Variants in RPGR observed in about 807,000 individuals in gnomAD.
RPGR encodes retinitis pigmentosa GTPase regulator, also known as X-linked retinitis pigmentosa GTPase regulator.
A neutral mutation model predicts 56.3 loss-of-function variants in RPGR; 10 were observed. The ratio of observed to expected loss-of-function variants is 0.18; its 90% CI spans 0.11 to 0.30. The LOEUF (loss-of-function observed/expected upper bound fraction) is 0.30, where lower values mean the gene tolerates loss of function less well. RPGR is among the 10% of genes least tolerant of loss of function. The probability of loss-of-function intolerance (pLI) is 1.00; values close to 1 mark genes in which losing one functional copy is unlikely to be tolerated. For synonymous variants in RPGR, 197 were observed against 212.9 expected (o/e 0.93, Z 0.65); for missense variants, 538 against 590.9 (o/e 0.91, Z 0.93).
intron 6 of RPGR, among the ~76,000 whole-genome samples, chrX:38,312,513 T>C (rs2067739239): frequency 9.0e-6 from 1 of 111,590 alleles, no homozygotes. Flanking sequence ...AAGTACAAAC[T>C]GCAGACTGTT....
At chrX:38,323,310 A>G in intron 2 of RPGR, 89 bp downstream of exon 2, 1 of 857,640 alleles carries the variant, frequency 1.2e-6, no homozygotes, top group Non-Finnish European at 1.7e-6. Flanking sequence ...TAATATTTTC[A>G]ACATGTTTAA....
At chrX:38,272,762 A>G (rs2066866572) in intron 18 of RPGR, among the ~76,000 whole-genome samples, 2 of 111,480 alleles carry the variant, frequency 1.8e-5, no homozygotes. Flanking sequence ...AAGAGAAAAT[A>G]ACTGTCAACG....
intron 6 of RPGR, among the ~76,000 whole-genome samples, chrX:38,316,044 CTTGAG>C (rs921976295): frequency 9.0e-6 from 1 of 110,728 alleles, no homozygotes; most frequent in African/African-American, 3.3e-5. Context: ...ACCCCTTATA[CTTGAG>C]TTATTTCCAA....
At chrX:38,317,527 T>C (rs1306353559) in intron 5 of RPGR, 62 bp from the exon 6 acceptor site, 1 of 988,774 alleles carries the variant, frequency 1.0e-6, no homozygotes, top group Non-Finnish European at 1.4e-6. Flanking sequence ...CTGAAGCTAT[T>C]ATACTTCCAA....
intron 8 of RPGR, among the ~76,000 whole-genome samples, chrX:38,303,351 C>T (rs143036632): frequency 0.02 from 2,211 of 111,224 alleles, 38 homozygotes; most frequent in Middle Eastern, 0.047. Flanking sequence ...ACTTGCCCTC[C>T]AGGGACGATT....
Position 38,291,373 on chromosome X carries a change from AATAG to A in RPGR, c.1506+16_1506+19del. The A allele has an allele frequency of 1.0e-6, 1 of 981,116 alleles. No individual in the cohort carries two copies. Among genetic ancestry groups the A allele is most frequent in the Non-Finnish European group, 1.5e-6 (1 of 688,938 alleles). The allele number at this position is 981,116 out of a possible 1,213,427, so 80.9% of individuals were successfully genotyped here. On this transcript the variant is annotated intron_variant, in intron 12 of 18. Transcript: ENST00000642395. Reference sequence around the variant, plus strand: ...TAAAATTCAAACTCATATTTAGATAAATAGATAGGAAATCATTACCATGTTTAAG... The same window carrying A: ...TAAAATTCAAACTCATATTTAGATAAATAGGAAATCATTACCATGTTTAAG...
intron 10 of RPGR, chrX:38,298,539 G>C: frequency 4.1e-6 from 1 of 241,306 alleles, no homozygotes; most frequent in Non-Finnish European, 7.6e-6. Context: ...CAACAATACC[G>C]TATTGCACAC....
intron 9 of RPGR, 137 bp from the exon 10 acceptor site, chrX:38,299,278 T>C (rs2067455458): frequency 1.7e-6 from 1 of 580,907 alleles, no homozygotes. Context: ...TCTCTGTCTA[T>C]ACGTATGTGT....
chrX:38,283,426 T>C (rs1480460745), intron 15 of RPGR, among the ~76,000 whole-genome samples: 2 of 111,962 alleles, frequency 1.8e-5, no homozygotes, highest in Non-Finnish European at 3.8e-5. Context: ...GCTGTTCCTA[T>C]AGAATCCCTT....
intron 6 of RPGR, among the ~76,000 whole-genome samples, chrX:38,316,304 T>C (rs1259937968): frequency 9.0e-6 from 1 of 110,675 alleles, no homozygotes; most frequent in East Asian, 2.8e-4. Context: ...AAAAAAGGCA[T>C]AAAAACAAAC....
In RPGR at chrX:38,313,080, C is replaced by T. The variant is rs2067752319; in HGVS notation, c.620-2307G>A. 2.7e-5 allele frequency among the ~76,000 whole-genome samples: 3 copies of T among 111,465 alleles called. No homozygotes were observed. In the South Asian group the frequency reaches 1.1e-3, roughly 42 times the overall value. On this transcript the variant is annotated intron_variant, in intron 6 of 18. Transcript: ENST00000642395. ...CAATAATCTCCAAATACATGATTTA[C>T]TTTTCTGTCTCTATATCTCTGCACA...
At chrX:38,290,624 C>A (rs1471377548) in intron 13 of RPGR, among the ~76,000 whole-genome samples, 3 of 111,551 alleles carry the variant, frequency 2.7e-5, no homozygotes, top group Non-Finnish European at 5.7e-5. Flanking sequence ...AGTCAGAGGG[C>A]CACTCTATCA....
rs2066787894 is a variant in RPGR, at chrX:38,269,369, A to AT, written c.*256dup. The AT allele has an allele frequency of 9.8e-6, 2 of 203,149 alleles. No individual in the cohort carries two copies. The highest frequency in any genetic ancestry group is 2.9e-5 in the African/African-American group (1 of 34,142). 16.7% of individuals were successfully genotyped at this position (203,149 alleles called of 1,213,427 possible). A position where few individuals can be genotyped will look rare whatever the true frequency, so the allele number is the denominator to read the frequency against. ...TTCAATTTTCCACATATAAAAATATATTTTTTATTGCAATACTGAACAGTT... is the reference window on the plus strand; with the variant it reads ...TTCAATTTTCCACATATAAAAATATATTTTTTTATTGCAATACTGAACAGTT... On this transcript the variant is annotated 3_prime_UTR_variant, in exon 19 of 19. Transcript: ENST00000642395.
At chrX:38,314,652 T>A (rs576762601) in intron 6 of RPGR, among the ~76,000 whole-genome samples, 2 of 112,162 alleles carry the variant, frequency 1.8e-5, no homozygotes, top group South Asian at 7.3e-4. Flanking sequence ...ACTCCATAGA[T>A]TTTATTTATC....
intron 15 of RPGR, among the ~76,000 whole-genome samples, chrX:38,281,475 A>C (rs1388397029): frequency 8.9e-6 from 1 of 111,910 alleles, no homozygotes; most frequent in Non-Finnish European, 1.9e-5. Flanking sequence ...ATTCCCACAG[A>C]TCTATTTCTA....
At chrX:38,277,821 G>A (rs2066961716) in intron 15 of RPGR, among the ~76,000 whole-genome samples, 1 of 111,637 alleles carries the variant, frequency 9.0e-6, no homozygotes, top group Admixed American at 9.5e-5. Flanking sequence ...TTAGTAGGTG[G>A]TTGGAAAATA....
Position 38,287,203 on chromosome X carries a change from T to A in RPGR, c.1796A>T (p.Asn599Ile), listed in dbSNP as rs776574633. ...TTCTACCTCTTGCTCCTCTATTCCA[T>A]TTCCTTTTGAATCCTCTGCTCCTTC... Residue 599 changes from asparagine (N) to isoleucine (I), a missense_variant, in exon 15 of 19, where the codon AAT becomes ATT. Asn to Ile is a moderately radical substitution (Grantham distance 149). Coordinates refer to ENST00000642395, the MANE Select transcript of RPGR (RefSeq NM_000328.3). The A allele has an allele frequency of 1.7e-6, 2 of 1,211,028 alleles. No individual in the cohort carries two copies. Among genetic ancestry groups the A allele is most frequent in the Non-Finnish European group, 2.2e-6 (2 of 895,360 alleles).
intron 1 of RPGR, among the ~76,000 whole-genome samples, chrX:38,325,600 T>C (rs915408961): frequency 1.8e-5 from 2 of 112,104 alleles, no homozygotes; most frequent in Non-Finnish European, 3.8e-5. Context: ...ATCTTACTCA[T>C]GCACTATAGT....
chrX:38,316,933 A>G (rs2147275731), intron 6 of RPGR, among the ~76,000 whole-genome samples: 1 of 112,031 alleles, frequency 8.9e-6, no homozygotes, highest in Admixed American at 9.5e-5. Context: ...CACTTCCTCT[A>G]TTATTACTAG....
Sources: allele counts gnomAD v4.1 joint callset (sites outside exome capture counted in the v4.1 genomes callset), GRCh38; gene constraint gnomAD v4.1.1; transcripts MANE v1.5; gene names NCBI Gene and HGNC (gene_info 2026-07-23, HGNC 2026-07-21).